TMTC2: variants seen among roughly 807,000 people sequenced by gnomAD.
TMTC2 encodes the protein transmembrane O-mannosyltransferase targeting cadherins 2, also known as protein O-mannosyl-transferase TMTC2.
A neutral mutation model predicts 82.4 loss-of-function variants in TMTC2; 43 were observed. The observed-to-expected ratio is 0.52, with a 90% confidence interval of 0.41 to 0.67. The LOEUF (loss-of-function observed/expected upper bound fraction) is 0.67. TMTC2 is among the 30% of genes least tolerant of loss of function. The pLI is 0.00. For missense variants in TMTC2, 919 were observed against 1,012.4 expected, an observed-to-expected ratio of 0.91 and a Z score of 1.25; for synonymous variants, 408 against 381.9, an observed-to-expected ratio of 1.07 and a Z score of -0.80.
At chr12:83,081,420 G>GA (rs1475733420) in intron 11 of TMTC2, among the ~76,000 whole-genome samples, 1 of 152,176 alleles carries the variant, frequency 6.6e-6, no homozygotes, top group Non-Finnish European at 1.5e-5. Context: ...TTACGATTTG[G>GA]AAGCCAGATA....
At chr12:82,769,882 T>A (rs754540674) in intron 1 of TMTC2, among the ~76,000 whole-genome samples, 50 of 152,312 alleles carry the variant, frequency 3.3e-4, no homozygotes, top group Non-Finnish European at 5.9e-4. Flanking sequence ...AGTGCTGGGA[T>A]TACAGGCATG....
At chr12:83,004,720 GA>G (rs1565848512) in intron 8 of TMTC2, among the ~76,000 whole-genome samples, 8 of 78,238 alleles carry the variant, frequency 1.0e-4, no homozygotes, top group Non-Finnish European at 2.3e-4. Flanking sequence ...TATACTGGCC[GA>G]ATTTTTTTTT....
At chr12:82,846,278 A>G (rs907782567) in intron 1 of TMTC2, among the ~76,000 whole-genome samples, 5 of 152,070 alleles carry the variant, frequency 3.3e-5, no homozygotes, top group African/African-American at 1.2e-4. Flanking sequence ...GAATCGCTTG[A>G]ACCCAGGAGG....
intron 1 of TMTC2, among the ~76,000 whole-genome samples, chr12:82,705,155 A>C (rs539976019): frequency 5.6e-4 from 85 of 152,320 alleles, no homozygotes; most frequent in Admixed American, 1.6e-3. Flanking sequence ...GTAAAGGCAT[A>C]AGAATGACAC....
chr12:82,802,908 G>A (rs1267348963), intron 1 of TMTC2, among the ~76,000 whole-genome samples: 1 of 152,186 alleles, frequency 6.6e-6, no homozygotes, highest in Non-Finnish European at 1.5e-5. Flanking sequence ...CATTCAAGGA[G>A]CTTCTGTAGT....
intron 11 of TMTC2, among the ~76,000 whole-genome samples, chr12:83,106,712 C>G (rs1289761279): frequency 1.3e-5 from 2 of 152,070 alleles, no homozygotes; most frequent in African/African-American, 4.8e-5. Flanking sequence ...AAATGCACAA[C>G]AGTGAAAGAT....
intron 8 of TMTC2, among the ~76,000 whole-genome samples, chr12:83,014,988 C>A (rs1036697339): frequency 2.0e-5 from 3 of 151,948 alleles, no homozygotes; most frequent in Non-Finnish European, 4.4e-5. Context: ...AGTAACTTGC[C>A]CAAGTAGTCC....
At chr12:82,961,399 G>C (rs1382330126) in intron 4 of TMTC2, among the ~76,000 whole-genome samples, 3 of 151,856 alleles carry the variant, frequency 2.0e-5, no homozygotes, top group African/African-American at 7.3e-5. Flanking sequence ...CCTTTTCAGT[G>C]TATCAACACA....
chr12:82,857,605 A>G (rs1871327598), intron 2 of TMTC2, 25 bp downstream of exon 2: 1 of 1,568,656 alleles, frequency 6.4e-7, no homozygotes, highest in South Asian at 1.2e-5. Context: ...GCTCTTGAGC[A>G]TTGGATTACT....
intron 11 of TMTC2, among the ~76,000 whole-genome samples, chr12:83,085,933 G>A (rs184745936): frequency 3.3e-5 from 5 of 152,298 alleles, no homozygotes; most frequent in Non-Finnish European, 5.9e-5. Flanking sequence ...AATGTTATTT[G>A]TTGGGAATAT....
intron 1 of TMTC2, 130 bp downstream of exon 1, chr12:82,687,799 C>T (rs916984810): frequency 9.2e-6 from 8 of 866,124 alleles, no homozygotes; most frequent in Non-Finnish European, 1.4e-5. Flanking sequence ...TTAGGCGACA[C>T]GTAAACATTA....
chr12:82,894,133 G>A (rs573707438), intron 2 of TMTC2, among the ~76,000 whole-genome samples: 29 of 152,222 alleles, frequency 1.9e-4, no homozygotes, highest in Admixed American at 1.6e-3. Flanking sequence ...GGGGAAGTAT[G>A]AAGTCAGGAG....
At chr12:82,868,552 A>G (rs2707759) in intron 2 of TMTC2, among the ~76,000 whole-genome samples, 36,236 of 151,676 alleles carry the variant, frequency 0.24, 10,402 homozygotes, top group African/African-American at 0.69. Flanking sequence ...GGGTGCTGTT[A>G]GTTATATATC....
At chr12:83,022,376 C>T (rs1313133446) in intron 8 of TMTC2, among the ~76,000 whole-genome samples, 2 of 120,926 alleles carry the variant, frequency 1.7e-5, no homozygotes, top group African/African-American at 3.1e-5. Context: ...CCCCTCCCCC[C>T]GCCCCAGTTG....
At chr12:82,787,601 A>C (rs544020418) in intron 1 of TMTC2, among the ~76,000 whole-genome samples, 11 of 152,232 alleles carry the variant, frequency 7.2e-5, no homozygotes, top group South Asian at 4.1e-4. Context: ...GCGGATTAAA[A>C]ACAGATATTA....
chr12:82,800,720 A>G (rs1878948641), intron 1 of TMTC2, among the ~76,000 whole-genome samples: 1 of 152,088 alleles, frequency 6.6e-6, no homozygotes, highest in Admixed American at 6.6e-5. Context: ...ACACCTCCAC[A>G]CTTTTTTTGC....
chr12:82,707,285 C>T (rs532221305), intron 1 of TMTC2, among the ~76,000 whole-genome samples: 12 of 152,286 alleles, frequency 7.9e-5, no homozygotes, highest in South Asian at 4.1e-4. Flanking sequence ...TTTCAAAAGG[C>T]ATGAATCCCT....
chr12:82,703,767 G>C (rs551886105), intron 1 of TMTC2, among the ~76,000 whole-genome samples: 2 of 152,094 alleles, frequency 1.3e-5, no homozygotes, highest in Admixed American at 6.6e-5. Context: ...GATTACAGGC[G>C]TGAGCCACCG....
chr12:82,869,172 C>T (rs1005184195), intron 2 of TMTC2, among the ~76,000 whole-genome samples: 4 of 152,068 alleles, frequency 2.6e-5, no homozygotes, highest in East Asian at 1.9e-4. Context: ...CTTGAGGATT[C>T]GTCATGAGTT....
Sources: allele counts gnomAD v4.1 joint callset (sites outside exome capture counted in the v4.1 genomes callset), GRCh38; gene constraint gnomAD v4.1.1; transcripts MANE v1.5; gene names NCBI Gene and HGNC (gene_info 2026-07-23, HGNC 2026-07-21).